The following IL16 variants were observed in gnomAD, a reference collection of about 807,000 sequenced individuals.
The protein encoded by IL16 is pro-interleukin-16.
IL16 carries 67 observed loss-of-function variants against 110.1 expected under a neutral mutation model. The ratio of observed to expected loss-of-function variants is 0.61; its 90% CI spans 0.50 to 0.75. IL16 has a LOEUF of 0.75. Among genes scored for constraint, IL16 ranks in the 30% least tolerant of loss-of-function variants. The probability of loss-of-function intolerance (pLI) is 0.00; values close to 1 mark genes in which losing one functional copy is unlikely to be tolerated. For synonymous variants in IL16, 689 were observed against 662.9 expected (o/e 1.04, Z -0.61); for missense variants, 1,545 against 1,655.0 (o/e 0.93, Z 1.15).
At chr15:81,215,596 G>A (rs1163294545) in intron 1 of IL16, among the ~76,000 whole-genome samples, 2 of 152,146 alleles carry the variant, frequency 1.3e-5, no homozygotes, top group Non-Finnish European at 2.9e-5. Context: ...CACCAGTTAT[G>A]TGCCCGTGTT....
At chr15:81,297,136 T>G (rs1900027124) in intron 13 of IL16, 58 bp downstream of exon 13, 2 of 1,549,022 alleles carry the variant, frequency 1.3e-6, no homozygotes, top group Non-Finnish European at 8.8e-7. Context: ...GGTGCAGGGA[T>G]AAGATAAGAG....
chr15:81,301,498 G>A lies in IL16; in HGVS notation c.3304G>A (p.Glu1102Lys). 6.2e-7 allele frequency: 1 copy of A among 1,611,944 alleles called. No individual in the cohort carries two copies. Among genetic ancestry groups the A allele is most frequent in the Non-Finnish European group, 8.5e-7 (1 of 1,179,468 alleles). ...CATCGAGGAGGTGAAGGTTCTGGAT[G>A]AAGCAACATTAAAGGTAGGTTTCCT... is the stretch of plus-strand genomic sequence containing the variant. ...KLIEEVKVLD[E>K]ATLKQLDGIH... Residue 1102 changes from glutamate to lysine, a missense_variant, in exon 15 of 19, where the codon GAA becomes AAA. Coordinates refer to ENST00000683961, the MANE Select transcript of IL16 (RefSeq NM_172217.5).
chr15:81,297,147 C>A, intron 13 of IL16, 69 bp downstream of exon 13: 3 of 1,482,852 alleles, frequency 2.0e-6, no homozygotes, highest in Non-Finnish European at 2.8e-6. Context: ...AAGATAAGAG[C>A]ACAAATTGGC....
intron 1 of IL16, among the ~76,000 whole-genome samples, chr15:81,197,740 T>C (rs1303707284): frequency 6.8e-6 from 1 of 146,992 alleles, no homozygotes; most frequent in Non-Finnish European, 1.5e-5. Flanking sequence ...TGTTTTTTTC[T>C]TTTTTGGTCC....
chr15:81,186,423 C>G (rs1468393177), intron 1 of IL16, among the ~76,000 whole-genome samples: 3 of 152,086 alleles, frequency 2.0e-5, no homozygotes, highest in Non-Finnish European at 4.4e-5. Context: ...TCTTAGTAAG[C>G]AGTATGCAGC....
At chr15:81,243,143 G>GTATATATATATATATATATATATATATA (rs1275444035) in intron 2 of IL16, among the ~76,000 whole-genome samples, 16 of 47,236 alleles carry the variant, frequency 3.4e-4, no homozygotes, top group Admixed American at 3.7e-4. Flanking sequence ...AGCTATATAA[G>GTATATATATATATATATATATATATATA]TATATATATA....
intron 2 of IL16, among the ~76,000 whole-genome samples, chr15:81,258,444 T>C (rs1427109478): frequency 1.3e-5 from 2 of 152,206 alleles, no homozygotes; most frequent in Non-Finnish European, 2.9e-5. Context: ...CTCACGCCTG[T>C]AATCCTTACA....
chr15:81,224,995 C>T (rs1430626042), intron 1 of IL16, among the ~76,000 whole-genome samples: 1 of 152,176 alleles, frequency 6.6e-6, no homozygotes, highest in Admixed American at 6.5e-5. Flanking sequence ...TTATTACTGG[C>T]TCTTCTGCTA....
At chr15:81,287,976 G>A (rs1271603030) in intron 10 of IL16, among the ~76,000 whole-genome samples, 1 of 152,224 alleles carries the variant, frequency 6.6e-6, no homozygotes, top group Non-Finnish European at 1.5e-5. Context: ...GTGGAGTAGG[G>A]CGTCAGGTTG....
chr15:81,184,046 C>T (rs1253784851), intron 1 of IL16, among the ~76,000 whole-genome samples: 2 of 152,150 alleles, frequency 1.3e-5, no homozygotes, highest in Admixed American at 1.3e-4. Context: ...GAAAAGAGTG[C>T]TTGAGGGCCC....
Position 81,188,255 on chromosome 15 carries a change from G to A in IL16, c.40+5359G>A, listed in dbSNP as rs576946752. ...GTGTCGGGCAGATGTGCTTTCAGCC[G>A]TCTGAATCGCTATGTTGTTATGAGG... On this transcript the variant is annotated intron_variant, in intron 1 of 18. Transcript: ENST00000302987. 9.2e-4 allele frequency: 409 copies of A among 446,770 alleles called. 3 individuals carry two copies. The highest frequency in any genetic ancestry group is 5.3e-3 in the South Asian group (338 of 63,516). 27.7% of individuals were successfully genotyped at this position (446,770 alleles called of 1,614,324 possible).
intron 5 of IL16, among the ~76,000 whole-genome samples, chr15:81,272,395 G>T (rs1199619891): frequency 6.6e-6 from 1 of 152,146 alleles, no homozygotes; most frequent in Non-Finnish European, 1.5e-5. Flanking sequence ...TTCCTGTTTG[G>T]CCTTCTCTAC....
intron 2 of IL16, among the ~76,000 whole-genome samples, chr15:81,238,361 G>A (rs910277946): frequency 1.3e-5 from 2 of 151,948 alleles, no homozygotes; most frequent in African/African-American, 2.4e-5. Flanking sequence ...TGTAATCCTT[G>A]AACATTTTAA....
At chr15:81,261,249 C>T (rs1898141899) in intron 3 of IL16, among the ~76,000 whole-genome samples, 1 of 152,174 alleles carries the variant, frequency 6.6e-6, no homozygotes, top group Non-Finnish European at 1.5e-5. Context: ...AATCTTTGAA[C>T]CAGGTTGGGA....
chr15:81,303,241 C>A lies in IL16; in HGVS notation c.3319-308C>A. 1 of 249,368 alleles carries A rather than the reference C, an allele frequency of 4.0e-6. No individual in the cohort carries two copies. The highest frequency in any genetic ancestry group is 7.8e-6 in the Non-Finnish European group (1 of 128,228). 15.4% of individuals were successfully genotyped at this position (249,368 alleles called of 1,614,324 possible). A position where few individuals can be genotyped will look rare whatever the true frequency, so the allele number is the denominator to read the frequency against. ...TCCTACAACCTGACTTCATCTCACA[C>A]TGTCCAATATGCTGATTTCTGGCTG... On this transcript the variant is annotated intron_variant, in intron 15 of 18. Coordinates refer to ENST00000683961, the MANE Select transcript of IL16 (RefSeq NM_172217.5). This position sits in a 1 kb window ranked among gnomAD's most constrained non-coding sequence, Gnocchi z 4.1.
chr15:81,291,196 G>T (rs577017008), intron 11 of IL16, among the ~76,000 whole-genome samples: 1 of 152,170 alleles, frequency 6.6e-6, no homozygotes, highest in African/African-American at 2.4e-5. Flanking sequence ...CACTGATATT[G>T]ACAAGAAATT....
chr15:81,198,510 A>AT (rs1298374578), intron 1 of IL16, among the ~76,000 whole-genome samples: 3 of 152,188 alleles, frequency 2.0e-5, no homozygotes, highest in Non-Finnish European at 4.4e-5. Flanking sequence ...GCAATTGACT[A>AT]TAGAATTATT....
At chr15:81,223,138 G>T (rs1896674774) in intron 1 of IL16, among the ~76,000 whole-genome samples, 3 of 152,100 alleles carry the variant, frequency 2.0e-5, no homozygotes, top group Non-Finnish European at 2.9e-5. Context: ...AGCAGATTTG[G>T]CCTCTGGACT....
chr15:81,288,140 A>G (rs1899534058), intron 10 of IL16, among the ~76,000 whole-genome samples: 2 of 152,198 alleles, frequency 1.3e-5, no homozygotes, highest in South Asian at 4.1e-4. Context: ...AGGACAGGTA[A>G]GGTTTAGAGC....
Sources: allele counts gnomAD v4.1 joint callset (sites outside exome capture counted in the v4.1 genomes callset), GRCh38; gene constraint gnomAD v4.1.1; non-coding constraint Gnocchi (gnomAD v3.1); transcripts MANE v1.5; gene names NCBI Gene and HGNC (gene_info 2026-07-23, HGNC 2026-07-21).